The following AGAP1 variants were observed in gnomAD, a reference collection of about 807,000 sequenced individuals.
AGAP1 encodes the protein ArfGAP with GTPase domain, ankyrin repeat and PH domain 1.
A neutral mutation model predicts 105.3 loss-of-function variants in AGAP1; 29 were observed. That is an observed-to-expected ratio of 0.28 (90% CI 0.21 to 0.38). AGAP1 has a LOEUF of 0.38. AGAP1 is among the 10% of genes least tolerant of loss of function. The pLI is 1.00. For synonymous variants in AGAP1, 509 were observed against 485.9 expected (o/e 1.05, Z -0.63); for missense variants, 998 against 1,165.1 (o/e 0.86, Z 2.09).
intron 6 of AGAP1, 66 bp from the exon 7 acceptor site, chr2:235,797,693 C>T (rs1349092117): frequency 6.3e-7 from 1 of 1,595,876 alleles, no homozygotes; most frequent in East Asian, 2.2e-5. Flanking sequence ...GACTGATGAT[C>T]TCTGCTCTGT....
At chr2:235,542,420 G>A (rs977040991) in intron 1 of AGAP1, among the ~76,000 whole-genome samples, 33 of 152,170 alleles carry the variant, frequency 2.2e-4, no homozygotes, top group African/African-American at 6.0e-4. Flanking sequence ...TTCAGACAGC[G>A]CCATCTCTAC....
At position 235,981,411 on chromosome 2, in the gene AGAP1, A is replaced by G. The variant is rs887016724; in HGVS notation, c.1645+12788A>G. 6.6e-6 allele frequency among the ~76,000 whole-genome samples: 1 copy of G among 152,056 alleles called. No individual in the cohort carries two copies. Among genetic ancestry groups the G allele is most frequent in the African/African-American group, 2.4e-5 (1 of 41,386 alleles). ...AGGCATGGTTACCAGAACACCCCTA[A>G]GAGAGCTGACCAGAATTTCTAAGTT... On this transcript the variant is annotated intron_variant, in intron 13 of 17. Transcript: ENST00000304032. This position sits in a 1 kb window ranked among gnomAD's most constrained non-coding sequence, Gnocchi z 5.5.
At chr2:235,880,241 AG>A (rs1422208501) in intron 9 of AGAP1, among the ~76,000 whole-genome samples, 2 of 152,210 alleles carry the variant, frequency 1.3e-5, no homozygotes, top group East Asian at 3.9e-4. Context: ...GACAATTTTG[AG>A]GATGTGATTT....
chr2:235,768,722 G>T (rs1165017721), intron 6 of AGAP1, among the ~76,000 whole-genome samples: 3 of 152,196 alleles, frequency 2.0e-5, no homozygotes, highest in African/African-American at 7.2e-5. Context: ...CTACCTGCAG[G>T]TGGGCACGGC....
At chr2:236,041,433 A>G (rs2057546976) in intron 15 of AGAP1, among the ~76,000 whole-genome samples, 1 of 151,988 alleles carries the variant, frequency 6.6e-6, no homozygotes, top group Non-Finnish European at 1.5e-5. Flanking sequence ...CCTCTGATTG[A>G]ACTGATAGAA....
chr2:236,085,304 G>C (rs185723706), intron 16 of AGAP1, among the ~76,000 whole-genome samples: 10 of 152,246 alleles, frequency 6.6e-5, no homozygotes, highest in Admixed American at 5.9e-4. Context: ...GGGGTGGTAG[G>C]GGGGCAGTGT....
intron 1 of AGAP1, among the ~76,000 whole-genome samples, chr2:235,573,885 C>T (rs1256149546): frequency 6.6e-6 from 1 of 152,206 alleles, no homozygotes; most frequent in Non-Finnish European, 1.5e-5. Context: ...GGCTGGAGAC[C>T]CCGTGTATTC....
In AGAP1 at chr2:236,044,976, G is replaced by A. The variant is rs542157498; in HGVS notation, c.1892-4083G>A. On this transcript the variant is annotated intron_variant, in intron 15 of 17. Coordinates refer to ENST00000304032, the MANE Select transcript of AGAP1 (RefSeq NM_001037131.3). This position sits in a 1 kb window ranked among gnomAD's most constrained non-coding sequence, Gnocchi z 5.7. Reference sequence around the variant, plus strand: ...GGGGCCTGTCCATGATTGCAGCAGTGCAATCATGGCTCACTGCAGCCTTGA... The same window carrying A: ...GGGGCCTGTCCATGATTGCAGCAGTACAATCATGGCTCACTGCAGCCTTGA... 4.0e-4 allele frequency among the ~76,000 whole-genome samples: 61 copies of A among 152,272 alleles called. No individual in the cohort carries two copies. Among genetic ancestry groups the A allele is most frequent in the African/African-American group, 1.5e-3 (61 of 41,548 alleles).
intron 14 of AGAP1, among the ~76,000 whole-genome samples, chr2:236,039,115 A>G (rs2057471220): frequency 6.6e-6 from 1 of 152,164 alleles, no homozygotes; most frequent in African/African-American, 2.4e-5. Context: ...CTTTAACCAT[A>G]ATATTAAATG....
At chr2:235,798,864 C>T (rs1575494455) in intron 7 of AGAP1, among the ~76,000 whole-genome samples, 1 of 129,950 alleles carries the variant, frequency 7.7e-6, no homozygotes, top group East Asian at 2.3e-4. Flanking sequence ...GAGTGAGACC[C>T]TGTCTCAAAA....
rs1336464114 is a variant in AGAP1 at position 236,046,952 on chromosome 2, A to T, written c.1892-2107A>T. ...GTTGAAGCCTGGGCAACATAGCAAG[A>T]CCCCATCTGTGCAAAAAATGTAAGA... On this transcript the variant is annotated intron_variant, in intron 15 of 17. Transcript: ENST00000304032. This position sits in a 1 kb window ranked among gnomAD's most constrained non-coding sequence, Gnocchi z 5.2. 6.6e-6 allele frequency among the ~76,000 whole-genome samples: 1 copy of T among 152,162 alleles called. No homozygotes were observed. Among genetic ancestry groups the T allele is most frequent in the Non-Finnish European group, 1.5e-5 (1 of 68,026 alleles).
chr2:235,622,549 C>T lies in AGAP1; in HGVS notation c.164-86630C>T, dbSNP rs929194568. Among the ~76,000 whole-genome samples, 7 of 151,974 alleles carry T rather than the reference C, an allele frequency of 4.6e-5. No homozygotes were observed. Among genetic ancestry groups the T allele is most frequent in the Non-Finnish European group, 8.8e-5 (6 of 68,012 alleles). ...TGCTGTGCTTCCTTTAACTGAACCCCGGTGGCCCAGTTGCTCCTCTTGGTG... is the reference window on the plus strand; with the variant it reads ...TGCTGTGCTTCCTTTAACTGAACCCTGGTGGCCCAGTTGCTCCTCTTGGTG... On this transcript the variant is annotated intron_variant, in intron 1 of 17. Coordinates refer to ENST00000304032, the MANE Select transcript of AGAP1 (RefSeq NM_001037131.3). This position sits in a 1 kb window ranked among gnomAD's most constrained non-coding sequence, Gnocchi z 5.0.
At position 235,874,316 on chromosome 2, in the gene AGAP1, T is replaced by G. The variant is rs1045479684; in HGVS notation, c.1051-9029T>G. 6.6e-6 allele frequency among the ~76,000 whole-genome samples: 1 copy of G among 152,190 alleles called. No homozygotes were observed. Among genetic ancestry groups the G allele is most frequent in the African/African-American group, 2.4e-5 (1 of 41,444 alleles). On this transcript the variant is annotated intron_variant, in intron 9 of 17. Coordinates refer to ENST00000304032, the MANE Select transcript of AGAP1 (RefSeq NM_001037131.3). This position sits in a 1 kb window ranked among gnomAD's most constrained non-coding sequence, Gnocchi z 4.5. ...TGCCGGCCTCGGCCTCCCAAAGTGC[T>G]GGGGTTACAGATGTAAGCCACTGTG...
At chr2:235,954,382 C>T (rs559782071) in intron 12 of AGAP1, among the ~76,000 whole-genome samples, 182 of 152,098 alleles carry the variant, frequency 1.2e-3, no homozygotes, top group Middle Eastern at 6.8e-3. Flanking sequence ...CACTGAAGGG[C>T]AGGCTTCAGC....
At chr2:235,647,847 A>T (rs190390686) in intron 1 of AGAP1, among the ~76,000 whole-genome samples, 23 of 152,030 alleles carry the variant, frequency 1.5e-4, no homozygotes, top group Admixed American at 2.6e-4. Context: ...CAGCCTAGGG[A>T]TCCCCTCCAG....
chr2:235,937,877 G>A (rs1440938766), intron 12 of AGAP1, among the ~76,000 whole-genome samples: 3 of 152,244 alleles, frequency 2.0e-5, no homozygotes, highest in Admixed American at 6.5e-5. Context: ...AACACCAGCG[G>A]TGCCACGGTC....
At chr2:235,727,725 T>G (rs1334564746) in intron 3 of AGAP1, among the ~76,000 whole-genome samples, 1 of 152,184 alleles carries the variant, frequency 6.6e-6, no homozygotes, top group Non-Finnish European at 1.5e-5. Flanking sequence ...TTTATCGGTG[T>G]CAGGAAAGGG....
chr2:235,897,119 G>A (rs1250564292), intron 10 of AGAP1, among the ~76,000 whole-genome samples: 2 of 152,096 alleles, frequency 1.3e-5, no homozygotes, highest in African/African-American at 4.8e-5. Context: ...GTCTTGCTCT[G>A]TTGCCCAGGC....
chr2:235,649,939 C>T (rs1325309421), intron 1 of AGAP1, among the ~76,000 whole-genome samples: 1 of 152,154 alleles, frequency 6.6e-6, no homozygotes, highest in South Asian at 2.1e-4. Context: ...TAATGTCTGA[C>T]TCAGGTTAAT....
Sources: allele counts gnomAD v4.1 joint callset (sites outside exome capture counted in the v4.1 genomes callset), GRCh38; gene constraint gnomAD v4.1.1; non-coding constraint Gnocchi (gnomAD v3.1); transcripts MANE v1.5; gene names NCBI Gene and HGNC (gene_info 2026-07-23, HGNC 2026-07-21).